CDON: variants seen among roughly 807,000 people sequenced by gnomAD.
CDON encodes cell adhesion associated, oncogene regulated, also known as cell adhesion molecule-related/down-regulated by oncogenes.
Under a neutral mutation model 120.9 loss-of-function variants are expected in CDON, and 73 were observed. The ratio of observed to expected loss-of-function variants is 0.60; its 90% CI spans 0.50 to 0.73. CDON has a LOEUF of 0.73. CDON is among the 30% of genes least tolerant of loss of function. The pLI is 0.00. For synonymous variants in CDON, 566 were observed against 573.5 expected, an observed-to-expected ratio of 0.99 and a Z score of 0.19; for missense variants, 1,470 against 1,587.3, an observed-to-expected ratio of 0.93 and a Z score of 1.26.
At chr11:125,962,860 T>G (rs1479938616) in intron 18 of CDON, among the ~76,000 whole-genome samples, 1 of 152,234 alleles carries the variant, frequency 6.6e-6, no homozygotes, top group Admixed American at 6.5e-5. Flanking sequence ...TGTGTATACC[T>G]TCCTTTAAAT....
rs568765051 is a variant in CDON, at chr11:125,999,993, C to T, written c.2158+1726G>A. 2.0e-4 allele frequency among the ~76,000 whole-genome samples: 31 copies of T among 152,276 alleles called. No individual in the cohort carries two copies. In the South Asian group the frequency reaches 4.6e-3, roughly 22 times the overall value. ...CTTTTGCTGTTTCATCTGTCTGTATCGTCGTTCTCCTTTGAAGTTTAGCTT... is the reference window on the plus strand; with the variant it reads ...CTTTTGCTGTTTCATCTGTCTGTATTGTCGTTCTCCTTTGAAGTTTAGCTT... On this transcript the variant is annotated intron_variant, in intron 11 of 19. Coordinates refer to ENST00000531738, the MANE Select transcript of CDON (RefSeq NM_001378964.1).
At chr11:126,014,238 C>T (rs541414497) in intron 7 of CDON, among the ~76,000 whole-genome samples, 16 of 152,084 alleles carry the variant, frequency 1.1e-4, no homozygotes, top group South Asian at 4.2e-4. Context: ...AAAAGACCAA[C>T]GACCTAATTT....
At chr11:125,972,076 G>T (rs1410405861) in intron 18 of CDON, among the ~76,000 whole-genome samples, 1 of 152,160 alleles carries the variant, frequency 6.6e-6, no homozygotes, top group South Asian at 2.1e-4. Flanking sequence ...CTGCAAAGCT[G>T]CCTTAAATAT....
At chr11:126,043,064 TC>T (rs1391140379) in intron 1 of CDON, among the ~76,000 whole-genome samples, 1 of 152,230 alleles carries the variant, frequency 6.6e-6, no homozygotes, top group Non-Finnish European at 1.5e-5. Flanking sequence ...CAGAGGCTAC[TC>T]GCTTTGACCT....
At chr11:125,972,616 G>C (rs1391012029) in intron 18 of CDON, among the ~76,000 whole-genome samples, 3 of 152,046 alleles carry the variant, frequency 2.0e-5, no homozygotes, top group Non-Finnish European at 4.4e-5. Context: ...TTACATAATA[G>C]AGGCAACGTT....
rs1454549690 is a variant in CDON, at chr11:126,023,551, A to G, written c.-61-14T>C. ...GTCCTTGGTTCACTAAAAAAGAAAA[A>G]GGAAAGAAAATCTAAACCATTGAAA... On this transcript the variant is annotated splice_polypyrimidine_tract_variant and intron_variant, in intron 1 of 19. Transcript: ENST00000531738. The G allele has an allele frequency of 5.6e-6, 6 of 1,076,330 alleles. No homozygotes were observed. The highest frequency in any genetic ancestry group is 8.7e-6 in the Non-Finnish European group (6 of 691,688). The allele number at this position is 1,076,330 out of a possible 1,614,324, so 66.7% of individuals were successfully genotyped here.
intron 7 of CDON, among the ~76,000 whole-genome samples, chr11:126,012,074 C>T (rs1350213930): frequency 1.3e-5 from 2 of 152,160 alleles, no homozygotes; most frequent in Admixed American, 1.3e-4. Flanking sequence ...TTCTTAATTA[C>T]TACAGATATT....
chr11:126,010,373 C>G lies in CDON; in HGVS notation c.1520G>C (p.Gly507Ala). ...KYICEAANEH[G>A]TTQAEASLMV... ...GAGAGATGCTTCTGCCTGTGTGGTA[C>G]CATGTTCATTTGCAGCTTCGCAGAT... The change falls in exon 8 of 20, where the codon GGT (glycine) becomes GCT (alanine). Residue 507 changes from glycine (G) to alanine (A), a missense_variant. By Grantham distance (60) the Gly-to-Ala change is moderately conservative (BLOSUM62 0). Transcript: ENST00000531738. 1 of 1,613,114 alleles carries G rather than the reference C, an allele frequency of 6.2e-7. No individual in the cohort carries two copies. Among genetic ancestry groups the G allele is most frequent in the Non-Finnish European group, 8.5e-7 (1 of 1,179,620 alleles).
chr11:125,960,884 G>A lies in CDON; in HGVS notation c.*58C>T. 2.0e-6 allele frequency: 3 copies of A among 1,516,146 alleles called. No homozygotes were observed. The highest frequency in any genetic ancestry group is 1.7e-5 in the Admixed American group (1 of 59,894). 93.9% of individuals were successfully genotyped at this position (1,516,146 alleles called of 1,614,324 possible). A position where few individuals can be genotyped will look rare whatever the true frequency, so the allele number is the denominator to read the frequency against. On this transcript the variant is annotated 3_prime_UTR_variant, in exon 20 of 20. Transcript: ENST00000531738. ...GGTCCTTCACACAGTTCGCTCCCAGGCCTGTTGTGTGCAGTTACCGGCTTG... is the reference window on the plus strand; with the variant it reads ...GGTCCTTCACACAGTTCGCTCCCAGACCTGTTGTGTGCAGTTACCGGCTTG...
chr11:126,001,389 C>G (rs192836884), intron 11 of CDON, among the ~76,000 whole-genome samples: 2 of 152,070 alleles, frequency 1.3e-5, no homozygotes, highest in East Asian at 3.9e-4. Flanking sequence ...AGGGTCTCCC[C>G]CTCTGTTGCC....
chr11:125,973,015 GGTCTTT>G (rs1465266079), intron 18 of CDON, among the ~76,000 whole-genome samples: 3 of 72,978 alleles, frequency 4.1e-5, no homozygotes, highest in Non-Finnish European at 8.2e-5. Flanking sequence ...CCAATTACTT[GGTCTTT>G]TTTTTTTTTT....
rs1197360838 is a variant in CDON at position 126,015,290 on chromosome 11, A to G, written c.1149T>C (p.Asp383=). ...EDVGMYQCVA[D]NGIGFMHSTG... ...TAGAGTGCATAAATCCAATCCCATT[A>G]TCTGCTACACACTGATACATCCCAA... Residue 383 remains aspartate (D), a synonymous_variant, in exon 7 of 20, where the codon GAT becomes GAC. Coordinates refer to ENST00000531738, the MANE Select transcript of CDON (RefSeq NM_001378964.1). The G allele has an allele frequency of 3.7e-6, 6 of 1,614,170 alleles. No individual in the cohort carries two copies. The highest frequency in any genetic ancestry group is 5.1e-6 in the Non-Finnish European group (6 of 1,179,994).
chr11:126,000,488 G>A (rs748770155), intron 11 of CDON, among the ~76,000 whole-genome samples: 4 of 152,218 alleles, frequency 2.6e-5, no homozygotes, highest in South Asian at 2.1e-4. Flanking sequence ...CATTACAGGC[G>A]TGAGCCACTG....
chr11:125,960,714 G>A lies in CDON; in HGVS notation c.*228C>T, dbSNP rs959220749. The A allele has an allele frequency of 1.1e-5, 6 of 546,416 alleles. No individual in the cohort carries two copies. The highest frequency in any genetic ancestry group is 2.0e-5 in the Non-Finnish European group (6 of 303,978). 33.8% of individuals were successfully genotyped at this position (546,416 alleles called of 1,614,324 possible). ...GTGACTGAATACTATGCAAAACAAGGTTGTTTCCTACCGAGGGGGAGGAAG... is the reference window on the plus strand; with the variant it reads ...GTGACTGAATACTATGCAAAACAAGATTGTTTCCTACCGAGGGGGAGGAAG... On this transcript the variant is annotated 3_prime_UTR_variant, in exon 20 of 20. Coordinates refer to ENST00000531738, the MANE Select transcript of CDON (RefSeq NM_001378964.1).
At chr11:125,996,747 T>C (rs1946798290) in intron 12 of CDON, among the ~76,000 whole-genome samples, 2 of 121,662 alleles carry the variant, frequency 1.6e-5, no homozygotes, top group Admixed American at 1.6e-4. Flanking sequence ...TACAACGAAA[T>C]ATAAACAATG....
intron 18 of CDON, among the ~76,000 whole-genome samples, chr11:125,968,326 C>T (rs1298823268): frequency 1.3e-5 from 2 of 152,084 alleles, no homozygotes; most frequent in African/African-American, 4.8e-5. Flanking sequence ...TAATTTAAAG[C>T]CAAGTTACAG....
intron 1 of CDON, among the ~76,000 whole-genome samples, chr11:126,043,815 T>C (rs1388742779): frequency 6.6e-6 from 1 of 152,142 alleles, no homozygotes; most frequent in Non-Finnish European, 1.5e-5. Flanking sequence ...ACTTACCAGG[T>C]TTTAGTTCTA....
At chr11:126,007,798 T>C (rs1196757602) in intron 8 of CDON, among the ~76,000 whole-genome samples, 2 of 152,220 alleles carry the variant, frequency 1.3e-5, no homozygotes, top group Admixed American at 1.3e-4. Context: ...GTTTCAATGA[T>C]ATAATCTGGG....
At position 126,009,340 on chromosome 11, in the gene CDON, G is replaced by A. The variant is rs191980266; in HGVS notation, c.1552+1001C>T. On this transcript the variant is annotated intron_variant, in intron 8 of 19. Transcript: ENST00000531738. ...ATCACTCCTCTGCCAAGGACCCCCC[G>A]TTGACCACTGCTCTGGCTAAGGGTG... Among the ~76,000 whole-genome samples the A allele has an allele frequency of 6.2e-3, 940 of 152,306 alleles. 5 individuals are homozygous for A. Among genetic ancestry groups the A allele is most frequent in the African/African-American group, 0.019 (808 of 41,560 alleles).
Sources: allele counts gnomAD v4.1 joint callset (sites outside exome capture counted in the v4.1 genomes callset), GRCh38; gene constraint gnomAD v4.1.1; transcripts MANE v1.5; gene names NCBI Gene and HGNC (gene_info 2026-07-23, HGNC 2026-07-21).